BCL11B: variants seen among roughly 807,000 people sequenced by gnomAD.
The protein encoded by BCL11B is B-cell lymphoma/leukemia 11B.
Under a neutral mutation model 49.9 loss-of-function variants are expected in BCL11B, and 8 were observed. That is an observed-to-expected ratio of 0.16 (90% confidence interval 0.09 to 0.29). The LOEUF (loss-of-function observed/expected upper bound fraction) is 0.29. BCL11B is among the 10% of genes least tolerant of loss of function. The pLI is 1.00. For synonymous variants in BCL11B, 739 were observed against 637.4 expected, an observed-to-expected ratio of 1.16 and a Z score of -2.40; for missense variants, 1,006 against 1,351.0, an observed-to-expected ratio of 0.74 and a Z score of 4.00.
At chr14:99,189,660 G>C (rs2139793395) in intron 3 of BCL11B, among the ~76,000 whole-genome samples, 1 of 152,310 alleles carries the variant, frequency 6.6e-6, no homozygotes, top group East Asian at 1.9e-4. Flanking sequence ...TGTGCCCATT[G>C]GTTCTCCCAG....
At chr14:99,270,037 C>G (rs986643161) in intron 1 of BCL11B, among the ~76,000 whole-genome samples, 1 of 151,976 alleles carries the variant, frequency 6.6e-6, no homozygotes, top group Non-Finnish European at 1.5e-5. Context: ...TGCAAGTGTG[C>G]GGGGACTCGG....
At chr14:99,224,204 G>A (rs1488927442) in intron 3 of BCL11B, among the ~76,000 whole-genome samples, 1 of 152,196 alleles carries the variant, frequency 6.6e-6, no homozygotes, top group African/African-American at 2.4e-5. Flanking sequence ...GAAGCCAGAC[G>A]GGAGAGCTCC....
intron 3 of BCL11B, among the ~76,000 whole-genome samples, chr14:99,230,318 G>A (rs968948683): frequency 5.9e-5 from 9 of 152,152 alleles, no homozygotes; most frequent in Non-Finnish European, 1.3e-4. Flanking sequence ...AATTCAAGTC[G>A]AGAGAAAGCC....
rs572810928 is a variant in BCL11B at position 99,205,181 on chromosome 14, C to T, written c.640+26164G>A. Among the ~76,000 whole-genome samples the T allele has an allele frequency of 5.3e-5, 8 of 152,096 alleles. No homozygotes were observed. The highest frequency in any genetic ancestry group is 2.1e-4 in the South Asian group (1 of 4,808). ...ATTAAAAAAAAAACAGGCCCTTGAA[C>T]GAACCGAGGGCCCTCCTGGGCTGTC... On this transcript the variant is annotated intron_variant, in intron 3 of 3. Coordinates refer to ENST00000357195, the MANE Select transcript of BCL11B (RefSeq NM_138576.4). This position sits in a 1 kb window ranked among gnomAD's most constrained non-coding sequence, Gnocchi z 5.0.
chr14:99,222,693 C>T (rs1039981666), intron 3 of BCL11B, among the ~76,000 whole-genome samples: 1 of 152,118 alleles, frequency 6.6e-6, no homozygotes, highest in African/African-American at 2.4e-5. Context: ...TCAGCAGGCC[C>T]CTTCCCAGAA....
chr14:99,175,238 T>A lies in BCL11B; in HGVS notation c.1598A>T (p.Glu533Val). 6.5e-7 allele frequency: 1 copy of A among 1,547,954 alleles called. No homozygotes were observed. The highest frequency in any genetic ancestry group is 8.7e-7 in the Non-Finnish European group (1 of 1,149,986). Reference sequence around the variant, plus strand: ...CTCCTCCTCCTCCTCCTCCTCGTCCTCCTCCTCCGGCTCGTGGCCCAGCGA... The same window carrying A: ...CTCCTCCTCCTCCTCCTCCTCGTCCACCTCCTCCGGCTCGTGGCCCAGCGA... ...DPSLGHEPEE[E>V]DEEEEEEEEE... is the part of the protein sequence containing the mutation. Residue 533 changes from glutamate to valine, a missense_variant, in exon 4 of 4, where the codon GAG (glutamate) becomes GTG (valine). Coordinates refer to ENST00000357195, the MANE Select transcript of BCL11B (RefSeq NM_138576.4).
intron 3 of BCL11B, among the ~76,000 whole-genome samples, chr14:99,198,554 GTA>G (rs1349308851): frequency 2.6e-5 from 4 of 152,178 alleles, no homozygotes; most frequent in African/African-American, 7.2e-5. Context: ...CGCTGCAGGT[GTA>G]TACGTATGAG....
In BCL11B at chr14:99,173,384, A is replaced by C. The variant is rs1886353307; in HGVS notation, c.*767T>G. ...GTGGGGTGCCTCCCCCAGCACCACC[A>C]CTCAAGGTTTCCCTTATGTAATATG... On this transcript the variant is annotated 3_prime_UTR_variant, in exon 4 of 4. Transcript: ENST00000357195. 1 of 219,174 alleles carries C rather than the reference A, an allele frequency of 4.6e-6. No homozygotes were observed. The highest frequency in any genetic ancestry group is 2.3e-5 in the African/African-American group (1 of 44,356). The allele number at this position is 219,174 out of a possible 1,614,324, so 13.6% of individuals were successfully genotyped here. A position where few individuals can be genotyped will look rare whatever the true frequency, so the allele number is the denominator to read the frequency against.
intron 3 of BCL11B, among the ~76,000 whole-genome samples, chr14:99,201,147 C>T (rs1477762151): frequency 6.6e-6 from 1 of 152,200 alleles, no homozygotes; most frequent in Non-Finnish European, 1.5e-5. Flanking sequence ...GGCAGTAGCC[C>T]GTGCAAATCA....
intron 3 of BCL11B, among the ~76,000 whole-genome samples, chr14:99,179,186 G>A (rs1012567294): frequency 2.6e-5 from 4 of 152,124 alleles, no homozygotes; most frequent in Admixed American, 1.3e-4. Flanking sequence ...TGTTTTAAAT[G>A]CTTCTGGCTG....
intron 1 of BCL11B, among the ~76,000 whole-genome samples, chr14:99,260,646 T>A (rs1036526688): frequency 6.6e-6 from 1 of 152,140 alleles, no homozygotes; most frequent in Non-Finnish European, 1.5e-5. Context: ...CTTTCTCTCC[T>A]CTTTTTTTTA....
intron 3 of BCL11B, among the ~76,000 whole-genome samples, chr14:99,221,576 G>A (rs1413568545): frequency 6.6e-6 from 1 of 152,270 alleles, no homozygotes; most frequent in African/African-American, 2.4e-5. Context: ...ACAAGGCCAG[G>A]CGGGAGGGGC....
At chr14:99,235,419 TC>T (rs552545293) in intron 2 of BCL11B, among the ~76,000 whole-genome samples, 1 of 151,958 alleles carries the variant, frequency 6.6e-6, no homozygotes, top group South Asian at 2.1e-4. Context: ...CCGCGCCCCC[TC>T]CCCCCATGCC....
intron 3 of BCL11B, among the ~76,000 whole-genome samples, chr14:99,216,049 A>G (rs563498746): frequency 2.0e-5 from 3 of 152,352 alleles, no homozygotes; most frequent in East Asian, 1.9e-4. Flanking sequence ...AATCATAGTT[A>G]TAACAACGAT....
At chr14:99,251,485 A>G (rs557198627) in intron 2 of BCL11B, among the ~76,000 whole-genome samples, 3 of 152,346 alleles carry the variant, frequency 2.0e-5, no homozygotes, top group African/African-American at 7.2e-5. Flanking sequence ...CAAAACCACA[A>G]TTCCACAAAA....
intron 3 of BCL11B, among the ~76,000 whole-genome samples, chr14:99,222,763 C>T (rs1270247132): frequency 2.0e-5 from 3 of 152,174 alleles, no homozygotes; most frequent in Admixed American, 1.3e-4. Flanking sequence ...TCAAGTTCCC[C>T]GGTGGTAAAA....
Position 99,173,948 on chromosome 14 carries a change from G to A in BCL11B, c.*203C>T, listed in dbSNP as rs549574543. 1 of 594,340 alleles carries A rather than the reference G, an allele frequency of 1.7e-6. No homozygotes were observed. Among genetic ancestry groups the A allele is most frequent in the East Asian group, 2.8e-5 (1 of 35,562 alleles). The allele number at this position is 594,340 out of a possible 1,614,324, so 36.8% of individuals were successfully genotyped here. On this transcript the variant is annotated 3_prime_UTR_variant, in exon 4 of 4. Coordinates refer to ENST00000357195, the MANE Select transcript of BCL11B (RefSeq NM_138576.4). ...ACAGAAATTATTGCACAGTTAAAAGGCTCCACAATTTGTACTGCCTTAATC... is the reference window on the plus strand; with the variant it reads ...ACAGAAATTATTGCACAGTTAAAAGACTCCACAATTTGTACTGCCTTAATC...
Position 99,241,648 on chromosome 14 carries a change from G to A in BCL11B, c.428-10091C>T, listed in dbSNP as rs765974223. On this transcript the variant is annotated intron_variant, in intron 2 of 3. Transcript: ENST00000357195. This position sits in a 1 kb window ranked among gnomAD's most constrained non-coding sequence, Gnocchi z 4.4. ...TTTCTTCTCTAAACCTGCTTGCTAC[G>A]TGTCCCTGTGCTGTAGGGGGGACGA... Among the ~76,000 whole-genome samples the A allele has an allele frequency of 5.9e-5, 9 of 152,012 alleles. No homozygotes were observed. The highest frequency in any genetic ancestry group is 7.4e-5 in the Non-Finnish European group (5 of 68,006).
In BCL11B at chr14:99,175,571, G is replaced by A. The variant is rs777519614; in HGVS notation, c.1265C>T (p.Pro422Leu). Reference protein sequence around the residue: ...MPPGGTPPPQPPAKSKSCEFC... With the variant: ...MPPGGTPPPQLPAKSKSCEFC... ...CTCGCACGACTTGCTCTTGGCTGGC[G>A]GCTGCGGGGGCGGCGTGCCGCCAGG... is the stretch of plus-strand genomic sequence containing the variant. Residue 422 changes from proline (P) to leucine (L), a missense_variant, in exon 4 of 4, where the codon CCG (proline) becomes CTG (leucine). Transcript: ENST00000357195. The A allele has an allele frequency of 4.7e-5, 74 of 1,588,552 alleles. No individual in the cohort carries two copies. The highest frequency in any genetic ancestry group is 6.3e-5 in the Non-Finnish European group (74 of 1,168,270).
Sources: allele counts gnomAD v4.1 joint callset (sites outside exome capture counted in the v4.1 genomes callset), GRCh38; gene constraint gnomAD v4.1.1; non-coding constraint Gnocchi (gnomAD v3.1); transcripts MANE v1.5; gene names NCBI Gene and HGNC (gene_info 2026-07-23, HGNC 2026-07-21).